Variants in NYAP2 observed in about 807,000 individuals in gnomAD.
NYAP2 encodes the protein neuronal tyrosine-phosphorylated phosphoinositide-3-kinase adapter 2.
In NYAP2, 23 loss-of-function variants were observed where a neutral mutation model predicts 50.4. The ratio of observed to expected loss-of-function variants is 0.46; its 90% CI spans 0.33 to 0.65. The LOEUF (loss-of-function observed/expected upper bound fraction) is 0.65, where lower values mean the gene tolerates loss of function less well. NYAP2 is among the 30% of genes least tolerant of loss of function. The pLI, the probability that NYAP2 is intolerant of heterozygous loss-of-function variation, is 0.02. For missense variants in NYAP2, 885 were observed against 861.0 expected (o/e 1.03, Z -0.35); for synonymous variants, 394 against 365.2 (o/e 1.08, Z -0.90).
At chr2:225,444,480 G>A (rs1689521089) in intron 3 of NYAP2, among the ~76,000 whole-genome samples, 2 of 152,048 alleles carry the variant, frequency 1.3e-5, no homozygotes, top group East Asian at 3.9e-4. Context: ...TGAAATATTT[G>A]ATTTACTGGG....
At chr2:225,678,655 C>T in the NYAP2 span, among the ~76,000 whole-genome samples, 58 of 152,170 alleles carry the variant, frequency 3.8e-4, no homozygotes, top group South Asian at 9.9e-3. Context: ...AAAGACTTTT[C>T]GTTTCTTTCT....
intron 5 of NYAP2, among the ~76,000 whole-genome samples, chr2:225,599,476 G>T (rs922537708): frequency 6.6e-5 from 10 of 152,136 alleles, no homozygotes; most frequent in South Asian, 4.1e-4. Flanking sequence ...TGACAGAAGG[G>T]CAGTAGTCAT....
At chr2:225,645,542 C>G (rs1014818279) in intron 6 of NYAP2, among the ~76,000 whole-genome samples, 18 of 151,526 alleles carry the variant, frequency 1.2e-4, no homozygotes, top group African/African-American at 4.1e-4. Context: ...TTCTTATTCT[C>G]TTTACACTTG....
the NYAP2 span, among the ~76,000 whole-genome samples, chr2:225,672,984 C>A: frequency 1.3e-5 from 2 of 151,526 alleles, no homozygotes; most frequent in Non-Finnish European, 2.9e-5. Flanking sequence ...TGTTCTCACA[C>A]TGTTAATAAA....
intron 3 of NYAP2, among the ~76,000 whole-genome samples, chr2:225,446,236 CTCTCTCTCTCTATATATA>C (rs1689555566): frequency 9.8e-6 from 1 of 102,140 alleles, no homozygotes; most frequent in Admixed American, 1.0e-4. Context: ...CTCTCTCTCT[CTCTCTCTCTCTATATATA>C]TATATATATA....
chr2:225,545,384 T>A (rs1691555594), intron 4 of NYAP2, among the ~76,000 whole-genome samples: 1 of 152,132 alleles, frequency 6.6e-6, no homozygotes, highest in African/African-American at 2.4e-5. Flanking sequence ...TTTTATTCTT[T>A]TATTTTGTCT....
At chr2:225,439,577 T>C (rs2106139647) in intron 3 of NYAP2, among the ~76,000 whole-genome samples, 1 of 152,280 alleles carries the variant, frequency 6.6e-6, no homozygotes, top group African/African-American at 2.4e-5. Flanking sequence ...GAGACAAGAA[T>C]GTTTCATGAG....
At chr2:225,416,290 C>T (rs1325039565) in intron 3 of NYAP2, among the ~76,000 whole-genome samples, 1 of 152,036 alleles carries the variant, frequency 6.6e-6, no homozygotes, top group Non-Finnish European at 1.5e-5. Context: ...GTTTTTTATT[C>T]CTCAAACCAT....
intron 3 of NYAP2, among the ~76,000 whole-genome samples, chr2:225,435,429 A>G (rs960294525): frequency 3.9e-5 from 6 of 152,200 alleles, no homozygotes; most frequent in East Asian, 1.9e-4. Flanking sequence ...TCTTTCACAC[A>G]TCAGTTAAAG....
intron 5 of NYAP2, among the ~76,000 whole-genome samples, chr2:225,624,466 A>G (rs12694671): frequency 0.95 from 145,050 of 152,238 alleles, 69,210 homozygotes; most frequent in African/African-American, 0.99. Context: ...AGTCTTGACT[A>G]TTTGAGGCCA....
At chr2:225,537,436 C>T (rs1336880511) in intron 4 of NYAP2, among the ~76,000 whole-genome samples, 2 of 152,124 alleles carry the variant, frequency 1.3e-5, no homozygotes, top group Non-Finnish European at 2.9e-5. Flanking sequence ...GGAGGCCTCA[C>T]ACCATGGCAG....
rs147221156 is a variant in NYAP2 at position 225,603,950 on chromosome 2, A to C, written c.1618+20915A>C. Among the ~76,000 whole-genome samples, 11 of 152,340 alleles carry C rather than the reference A, an allele frequency of 7.2e-5. No individual in the cohort carries two copies. The East Asian group carries it at 1.9e-3, about 27-fold the overall frequency. ...TTTTTACTTTGATTTTGCCACAAGG[A>C]AGTCTGTTACCAGATAATTTATGAA... On this transcript the variant is annotated intron_variant, in intron 5 of 6. Coordinates refer to ENST00000636099, the Ensembl canonical transcript of NYAP2.
intron 4 of NYAP2, among the ~76,000 whole-genome samples, chr2:225,536,719 G>C (rs979072316): frequency 6.6e-6 from 1 of 151,366 alleles, no homozygotes; most frequent in African/African-American, 2.4e-5. Context: ...TATTATTATT[G>C]ACTATAGTCA....
intron 5 of NYAP2, among the ~76,000 whole-genome samples, chr2:225,603,759 T>C (rs905902045): frequency 1.9e-4 from 29 of 152,190 alleles, no homozygotes; most frequent in Non-Finnish European, 5.9e-5. Context: ...TTTTGTTTGT[T>C]TGAGGCTTAA....
chr2:225,521,941 A>C lies in NYAP2; in HGVS notation c.523+8269A>C, dbSNP rs538855731. On this transcript the variant is annotated intron_variant, in intron 4 of 6. Coordinates refer to ENST00000636099, the Ensembl canonical transcript of NYAP2. ...TGTTGGTAAGCTATTGATTATTGCC[A>C]CAATTTCAGAGCCTGTTATTGGTCT... Among the ~76,000 whole-genome samples, 387 of 152,152 alleles carry C rather than the reference A, an allele frequency of 2.5e-3. 1 individual carries two copies. The highest frequency in any genetic ancestry group is 7.1e-3 in the South Asian group (34 of 4,820).
At chr2:225,539,781 C>T (rs977026988) in intron 4 of NYAP2, among the ~76,000 whole-genome samples, 13 of 151,958 alleles carry the variant, frequency 8.6e-5, no homozygotes, top group African/African-American at 3.1e-4. Flanking sequence ...CAAAAATTTT[C>T]TGAAAATGGG....
chr2:225,548,224 C>G (rs933804256), intron 4 of NYAP2, among the ~76,000 whole-genome samples: 1 of 150,998 alleles, frequency 6.6e-6, no homozygotes, highest in Non-Finnish European at 1.5e-5. Context: ...ACATTTCCCA[C>G]TCCTGTAAGC....
chr2:225,533,276 A>G (rs1238974083), intron 4 of NYAP2, among the ~76,000 whole-genome samples: 1 of 152,224 alleles, frequency 6.6e-6, no homozygotes, highest in Admixed American at 6.5e-5. Flanking sequence ...ATGTCCTTGC[A>G]GTTCCAAGTA....
chr2:225,542,393 C>T (rs1691492136), intron 4 of NYAP2, among the ~76,000 whole-genome samples: 1 of 152,036 alleles, frequency 6.6e-6, no homozygotes, highest in Admixed American at 6.6e-5. Flanking sequence ...CAGTATGACA[C>T]TAGCTGTGGG....
Sources: allele counts gnomAD v4.1 joint callset (sites outside exome capture counted in the v4.1 genomes callset), GRCh38; gene constraint gnomAD v4.1.1; transcripts MANE v1.5; gene names NCBI Gene and HGNC (gene_info 2026-07-23, HGNC 2026-07-21).